Variants in SRGAP2 observed in about 807,000 individuals in gnomAD.
SRGAP2 encodes the protein SLIT-ROBO Rho GTPase-activating protein 2.
In SRGAP2, 15 loss-of-function variants were observed where a neutral mutation model predicts 57.2. That is an observed-to-expected ratio of 0.26 (90% confidence interval 0.18 to 0.40). The LOEUF (loss-of-function observed/expected upper bound fraction) is 0.40. Among genes scored for constraint, SRGAP2 ranks in the 10% least tolerant of loss-of-function variants. The pLI, the probability that SRGAP2 is intolerant of heterozygous loss-of-function variation, is 1.00. For synonymous variants in SRGAP2, 249 were observed against 248.0 expected, an observed-to-expected ratio of 1.00 and a Z score of -0.04; for missense variants, 520 against 669.6, an observed-to-expected ratio of 0.78 and a Z score of 2.47.
At chr1:206,354,451 T>G (rs1676279012) in intron 4 of SRGAP2, among the ~76,000 whole-genome samples, 1 of 152,228 alleles carries the variant, frequency 6.6e-6, no homozygotes, top group Non-Finnish European at 1.5e-5. Context: ...CCCCTCTAAC[T>G]TGGCAGGCTT....
chr1:206,249,295 A>G (rs1668693828), intron 2 of SRGAP2, among the ~76,000 whole-genome samples: 1 of 151,900 alleles, frequency 6.6e-6, no homozygotes, highest in African/African-American at 2.4e-5. Context: ...ATGCATACAT[A>G]TGTTTATTGC....
At chr1:206,308,063 A>T (rs1672367267) in intron 3 of SRGAP2, among the ~76,000 whole-genome samples, 1 of 143,782 alleles carries the variant, frequency 7.0e-6, no homozygotes, top group African/African-American at 2.6e-5. Flanking sequence ...GAATAGGGTG[A>T]TTTCTCCAAG....
At chr1:206,339,515 A>G (rs1181292428) in intron 3 of SRGAP2, among the ~76,000 whole-genome samples, 5 of 152,078 alleles carry the variant, frequency 3.3e-5, no homozygotes, top group Non-Finnish European at 7.4e-5. Context: ...AAACAATGCT[A>G]GCAGCCTGCG....
intron 3 of SRGAP2, among the ~76,000 whole-genome samples, chr1:206,324,854 C>T (rs574080675): frequency 2.1e-4 from 32 of 152,066 alleles, no homozygotes; most frequent in Admixed American, 2.0e-3. Context: ...ATTTACAGAG[C>T]ATGGGGAGAA....
chr1:206,436,599 C>T (rs1553370132), intron 14 of SRGAP2, among the ~76,000 whole-genome samples: 1 of 152,148 alleles, frequency 6.6e-6, no homozygotes, highest in African/African-American at 2.4e-5. Flanking sequence ...AGTCCTGCTG[C>T]CTCAGCTTCC....
intron 2 of SRGAP2, among the ~76,000 whole-genome samples, chr1:206,228,944 T>C (rs1667448958): frequency 6.7e-6 from 1 of 149,828 alleles, no homozygotes; most frequent in African/African-American, 2.5e-5. Context: ...CCTGTAAGCC[T>C]GGGGTTCATT....
intron 10 of SRGAP2, 140 bp from the exon 11 acceptor site, chr1:206,415,745 TAAAG>T: frequency 1.5e-6 from 1 of 668,266 alleles, no homozygotes; most frequent in African/African-American, 1.8e-5. Flanking sequence ...ATCAGTGCCT[TAAAG>T]AAATTAAAAA....
In SRGAP2 at chr1:206,453,349, A is replaced by G. The variant is rs782799900; in HGVS notation, c.2329A>G (p.Ile777Val). 1 of 736,056 alleles carries G rather than the reference A, an allele frequency of 1.4e-6. No individual in the cohort carries two copies. Among genetic ancestry groups the G allele is most frequent in the Non-Finnish European group, 2.5e-6 (1 of 394,250 alleles). The allele number at this position is 736,056 out of a possible 1,614,324, so 45.6% of individuals were successfully genotyped here. A position where few individuals can be genotyped will look rare whatever the true frequency, so the allele number is the denominator to read the frequency against. The change falls in exon 20 of 23, where the codon ATC (isoleucine) becomes GTC (valine). Residue 777 changes from isoleucine (I) to valine (V), a missense_variant. Ile to Val is a conservative substitution (Grantham distance 29). Around this residue, in one of 5 missense-constraint regions of SRGAP2, gnomAD observed 478 missense variants for 373.6 expected, o/e 1.28. Transcript: ENST00000573034. ...CCGGCACAATGGCATCGACGGACTC[A>G]TCCCCCATCAGTACATCGTGGTCCA... ...EGRHNGIDGLIPHQYIVVQDT... is the reference protein window; with the variant it reads ...EGRHNGIDGLVPHQYIVVQDT...
chr1:206,203,800 C>G (rs782037569), intron 1 of SRGAP2, 150 bp downstream of exon 1: 8 of 1,532,586 alleles, frequency 5.2e-6, no homozygotes, highest in South Asian at 4.8e-5. Context: ...CTCAGACCGC[C>G]CCCCCTCCAC....
At chr1:206,306,457 A>G (rs1672206285) in intron 3 of SRGAP2, among the ~76,000 whole-genome samples, 1 of 152,186 alleles carries the variant, frequency 6.6e-6, no homozygotes, top group African/African-American at 2.4e-5. Flanking sequence ...TGAGTGTTAC[A>G]GCTCATAAAA....
chr1:206,383,315 G>A (rs1391697912), intron 4 of SRGAP2, among the ~76,000 whole-genome samples: 8 of 151,380 alleles, frequency 5.3e-5, no homozygotes, highest in African/African-American at 9.8e-5. Flanking sequence ...GTGAGCCACC[G>A]TGCCCAGCCC....
intron 2 of SRGAP2, among the ~76,000 whole-genome samples, chr1:206,302,408 G>GCT (rs1377971970): frequency 2.0e-5 from 3 of 151,904 alleles, no homozygotes; most frequent in African/African-American, 7.3e-5. Context: ...GTGTTTGCTA[G>GCT]CTCCATACAA....
At chr1:206,357,913 AC>A (rs1676576997) in intron 4 of SRGAP2, among the ~76,000 whole-genome samples, 1 of 146,246 alleles carries the variant, frequency 6.8e-6, no homozygotes, top group South Asian at 2.3e-4. Flanking sequence ...TCTCCCCTGG[AC>A]TATGTTCTTG....
chr1:206,310,171 T>G (rs1308033520), intron 3 of SRGAP2, among the ~76,000 whole-genome samples: 1 of 151,518 alleles, frequency 6.6e-6, no homozygotes, highest in African/African-American at 2.4e-5. Flanking sequence ...AATTGCTGGG[T>G]TTTTTTGTAA....
At position 206,347,093 on chromosome 1, in the gene SRGAP2, TA is replaced by T. The variant is rs1331256801; in HGVS notation, c.423+4093del. The stretch of plus-strand genomic sequence containing the variant: ...TCTGTCTCTACCTCCCTCCCCCACT[TA>T]AAAAAAATTAGCTAGGCATGGTGGT... On this transcript the variant is annotated intron_variant, in intron 4 of 22. Coordinates refer to ENST00000573034, the MANE Select transcript of SRGAP2 (RefSeq NM_015326.5). Among the ~76,000 whole-genome samples the T allele has an allele frequency of 3.5e-5, 5 of 143,826 alleles. No homozygotes were observed. The South Asian group carries it at 1.2e-3, about 34-fold the overall frequency. 94.4% of individuals were successfully genotyped at this position (143,826 alleles called of 152,430 possible).
chr1:206,291,219 G>T (rs1314967318), intron 2 of SRGAP2, among the ~76,000 whole-genome samples: 38 of 151,756 alleles, frequency 2.5e-4, no homozygotes, highest in African/African-American at 9.0e-4. Flanking sequence ...CTGATTTTAA[G>T]AATTAAACAC....
At chr1:206,276,708 T>C (rs1670432301) in intron 2 of SRGAP2, among the ~76,000 whole-genome samples, 1 of 152,204 alleles carries the variant, frequency 6.6e-6, no homozygotes, top group Admixed American at 6.5e-5. Flanking sequence ...CTGGGAACTC[T>C]GCTTGCAGAT....
intron 2 of SRGAP2, among the ~76,000 whole-genome samples, chr1:206,289,280 T>G (rs1180881840): frequency 1.4e-5 from 2 of 144,666 alleles, no homozygotes; most frequent in Non-Finnish European, 3.0e-5. Context: ...AGGTTTTTTT[T>G]TTTTTTTTTT....
At chr1:206,260,651 A>G (rs1553313342) in intron 2 of SRGAP2, among the ~76,000 whole-genome samples, 4 of 152,226 alleles carry the variant, frequency 2.6e-5, no homozygotes, top group African/African-American at 7.2e-5. Flanking sequence ...TTGTTGGTAC[A>G]GAGAAAGCTT....
Sources: allele counts gnomAD v4.1 joint callset (sites outside exome capture counted in the v4.1 genomes callset), GRCh38; gene constraint gnomAD v4.1.1; regional missense constraint gnomAD v4.1.1; transcripts MANE v1.5; gene names NCBI Gene and HGNC (gene_info 2026-07-23, HGNC 2026-07-21).